The following DENND4A variants were observed in gnomAD, a reference collection of about 807,000 sequenced individuals.
DENND4A encodes the protein C-myc promoter-binding protein.
A neutral mutation model predicts 199.3 loss-of-function variants in DENND4A; 70 were observed. The ratio of observed to expected loss-of-function variants is 0.35; its 90% CI spans 0.29 to 0.43. DENND4A has a LOEUF of 0.43. Ranked by LOEUF, DENND4A falls within the 20% of genes least tolerant of loss-of-function variation. The pLI, the probability that DENND4A is intolerant of heterozygous loss-of-function variation, is 1.00. For synonymous variants in DENND4A, 686 were observed against 766.9 expected, an observed-to-expected ratio of 0.89 and a Z score of 1.74; for missense variants, 1,723 against 2,255.8, an observed-to-expected ratio of 0.76 and a Z score of 4.78.
chr15:65,694,277 C>T (rs1023012409), intron 22 of DENND4A, among the ~76,000 whole-genome samples: 2 of 152,054 alleles, frequency 1.3e-5, no homozygotes, highest in Non-Finnish European at 2.9e-5. Flanking sequence ...GGTGAAACTC[C>T]GTCTCTACTA....
Position 65,660,508 on chromosome 15 carries a change from A to C in DENND4A, c.*1343T>G. 1 of 449,454 alleles carries C rather than the reference A, an allele frequency of 2.2e-6. No individual in the cohort carries two copies. Among genetic ancestry groups the C allele is most frequent in the Non-Finnish European group, 3.9e-6 (1 of 253,796 alleles). The allele number at this position is 449,454 out of a possible 1,614,324, so 27.8% of individuals were successfully genotyped here. On this transcript the variant is annotated 3_prime_UTR_variant, in exon 33 of 33. Transcript: ENST00000443035. ...CACTAATGATAATGTGTGCAAACAC[A>C]CACACATATTGAAAATCTATAACTA...
At chr15:65,697,016 A>AT in intron 21 of DENND4A, 1 of 366,014 alleles carries the variant, frequency 2.7e-6, no homozygotes, top group African/African-American at 2.1e-5. Context: ...AAATACATGT[A>AT]TTTTTGGAAT....
intron 14 of DENND4A, among the ~76,000 whole-genome samples, chr15:65,706,659 C>A (rs2075070165): frequency 1.3e-5 from 2 of 152,120 alleles, no homozygotes; most frequent in African/African-American, 4.8e-5. Flanking sequence ...CCATGCCCAG[C>A]TAATTTTTGT....
At chr15:65,707,832 C>T (rs889899834) in intron 14 of DENND4A, among the ~76,000 whole-genome samples, 6 of 152,002 alleles carry the variant, frequency 3.9e-5, no homozygotes, top group African/African-American at 9.6e-5. Flanking sequence ...ACTACAAGTG[C>T]GTGCCACCAC....
chr15:65,715,802 A>T (rs964197179), intron 13 of DENND4A, among the ~76,000 whole-genome samples, 179 bp from the exon 14 acceptor site: 6 of 152,172 alleles, frequency 3.9e-5, no homozygotes, highest in African/African-American at 9.7e-5. Flanking sequence ...TAATAAAGGA[A>T]CATAAACCCA....
At chr15:65,721,618 GAA>G (rs913345191) in intron 12 of DENND4A, among the ~76,000 whole-genome samples, 5 of 148,090 alleles carry the variant, frequency 3.4e-5, no homozygotes, top group Admixed American at 6.7e-5. Context: ...AAAAGAAAGA[GAA>G]AGACGACGTC....
At chr15:65,670,542 C>T (rs1397644662) in intron 25 of DENND4A, among the ~76,000 whole-genome samples, 1 of 152,088 alleles carries the variant, frequency 6.6e-6, no homozygotes, top group East Asian at 1.9e-4. Flanking sequence ...GTTGCCAGAC[C>T]AGTACTGGTC....
intron 4 of DENND4A, among the ~76,000 whole-genome samples, chr15:65,751,493 C>T (rs1001722713): frequency 4.6e-5 from 7 of 152,080 alleles, no homozygotes; most frequent in African/African-American, 7.2e-5. Flanking sequence ...GTCATCCACA[C>T]GTGGCCTATA....
At chr15:65,704,894 A>C (rs2075000157) in intron 15 of DENND4A, among the ~76,000 whole-genome samples, 1 of 152,186 alleles carries the variant, frequency 6.6e-6, no homozygotes, top group South Asian at 2.1e-4. Context: ...GTCTGGCCAA[A>C]TTTTCTTAGA....
intron 1 of DENND4A, among the ~76,000 whole-genome samples, chr15:65,770,940 T>C (rs1002985347): frequency 2.6e-5 from 4 of 152,238 alleles, no homozygotes; most frequent in African/African-American, 9.6e-5. Context: ...TTAGGAATCA[T>C]GCAAGCTTTT....
chr15:65,709,191 T>C (rs1293579058), intron 14 of DENND4A, among the ~76,000 whole-genome samples: 1 of 152,202 alleles, frequency 6.6e-6, no homozygotes, highest in Non-Finnish European at 1.5e-5. Flanking sequence ...AACTAAGGAA[T>C]AACCCTCACA....
chr15:65,702,263 C>T, intron 17 of DENND4A, 42 bp downstream of exon 17: 4 of 1,469,522 alleles, frequency 2.7e-6, no homozygotes, highest in Middle Eastern at 1.8e-4. Context: ...AGTGAGACCC[C>T]ATCTCAAAAA....
chr15:65,739,998 C>T (rs2076213567), intron 5 of DENND4A, among the ~76,000 whole-genome samples: 2 of 151,982 alleles, frequency 1.3e-5, no homozygotes, highest in Admixed American at 6.6e-5. Context: ...CTGGACAACA[C>T]GGTGAAACCC....
At chr15:65,784,913 T>C (rs555347179) in intron 1 of DENND4A, among the ~76,000 whole-genome samples, 23 of 152,068 alleles carry the variant, frequency 1.5e-4, no homozygotes, top group African/African-American at 5.5e-4. Context: ...TTTGGGAGCC[T>C]GAGGCGGGCA....
chr15:65,681,870 T>C (rs1205325158), intron 23 of DENND4A, among the ~76,000 whole-genome samples: 1 of 152,216 alleles, frequency 6.6e-6, no homozygotes, highest in Non-Finnish European at 1.5e-5. Context: ...ACCTGGCAAC[T>C]GCTTTTCTAT....
intron 1 of DENND4A, among the ~76,000 whole-genome samples, chr15:65,769,921 G>A (rs1323370802): frequency 6.6e-6 from 1 of 151,500 alleles, no homozygotes. Flanking sequence ...CCAGTATACA[G>A]GCACCAAAAA....
At chr15:65,748,868 C>A (rs967309265) in intron 4 of DENND4A, among the ~76,000 whole-genome samples, 6 of 151,076 alleles carry the variant, frequency 4.0e-5, no homozygotes, top group Non-Finnish European at 7.4e-5. Context: ...CACCTGTGGT[C>A]AATCCACTGA....
Position 65,700,661 on chromosome 15 carries a change from G to A in DENND4A, c.2716C>T (p.Leu906=). The change falls in exon 20 of 33, where the codon CTG becomes TTG. Residue 906 remains leucine, a synonymous_variant. Transcript: ENST00000443035. ...ATGCTGCCATGACTAACAGCATCCA[G>A]GTCACTGCCATCTGCTTAAGAACAC... is the stretch of plus-strand genomic sequence containing the variant. ...QTTLSADGSD[L]DAVSHGSMDS... is the part of the protein sequence containing the mutation. The A allele has an allele frequency of 6.5e-7, 1 of 1,540,274 alleles. No individual in the cohort carries two copies. The highest frequency in any genetic ancestry group is 8.7e-7 in the Non-Finnish European group (1 of 1,143,410).
chr15:65,701,074 T>C lies in DENND4A; in HGVS notation c.2678A>G (p.His893Arg), dbSNP rs775775835. 6.2e-7 allele frequency: 1 copy of C among 1,607,958 alleles called. No homozygotes were observed. The highest frequency in any genetic ancestry group is 1.1e-5 in the South Asian group (1 of 89,116). The stretch of plus-strand genomic sequence containing the variant: ...ACCTGAGAGAGTTGTTTGTGATAAG[T>C]GTGCATGCTTCTTTAAAGCTCTTTT... ...QFKRALKKHA[H>R]LSQTTLSADG... Residue 893 changes from histidine to arginine, a missense_variant, in exon 19 of 33, where the codon CAC (histidine) becomes CGC (arginine). His to Arg is a conservative substitution (Grantham distance 29, BLOSUM62 0). Coordinates refer to ENST00000443035, the MANE Select transcript of DENND4A (RefSeq NM_001320835.1).
Sources: allele counts gnomAD v4.1 joint callset (sites outside exome capture counted in the v4.1 genomes callset), GRCh38; gene constraint gnomAD v4.1.1; transcripts MANE v1.5; gene names NCBI Gene and HGNC (gene_info 2026-07-23, HGNC 2026-07-21).